Variants in NR5A2 observed in about 807,000 individuals in gnomAD.
The protein encoded by NR5A2 is nuclear receptor subfamily 5 group A member 2, also known as CYP7A promoter-binding factor.
A neutral mutation model predicts 62.7 loss-of-function variants in NR5A2; 26 were observed. The ratio of observed to expected loss-of-function variants is 0.41; its 90% CI spans 0.30 to 0.58. The LOEUF is 0.58. Among genes scored for constraint, NR5A2 ranks in the 20% least tolerant of loss-of-function variants. The probability of loss-of-function intolerance (pLI) is 0.22; values close to 1 mark genes in which losing one functional copy is unlikely to be tolerated. For synonymous variants in NR5A2, 246 were observed against 241.7 expected (o/e 1.02, Z -0.16); for missense variants, 541 against 669.1 (o/e 0.81, Z 2.11).
intron 7 of NR5A2, among the ~76,000 whole-genome samples, chr1:200,165,818 A>C (rs1042517077): frequency 3.9e-5 from 6 of 152,196 alleles, no homozygotes; most frequent in African/African-American, 1.2e-4. Flanking sequence ...ATCCCTATGC[A>C]TGTTTTTGTG....
chr1:200,109,815 A>G (rs1403562650), intron 5 of NR5A2, among the ~76,000 whole-genome samples: 1 of 152,206 alleles, frequency 6.6e-6, no homozygotes, highest in Non-Finnish European at 1.5e-5. Context: ...CCCAGGCTGG[A>G]GTGCAGTGGC....
chr1:200,110,283 G>A (rs1268563072), intron 5 of NR5A2, among the ~76,000 whole-genome samples: 4 of 152,106 alleles, frequency 2.6e-5, no homozygotes, highest in African/African-American at 9.7e-5. Flanking sequence ...GGTACACCAA[G>A]GTTTTTGTCC....
chr1:200,090,580 A>G (rs6686515), intron 5 of NR5A2, among the ~76,000 whole-genome samples: 19,318 of 152,234 alleles, frequency 0.13, 1,252 homozygotes, highest in African/African-American at 0.18. Context: ...TATCACTCCT[A>G]TGGGTGTCTA....
At chr1:200,064,498 C>G (rs763902419) in intron 5 of NR5A2, among the ~76,000 whole-genome samples, 1 of 152,120 alleles carries the variant, frequency 6.6e-6, no homozygotes, top group African/African-American at 2.4e-5. Flanking sequence ...TCAAGTAATT[C>G]CTATGGCTGG....
chr1:200,144,612 A>G (rs1052814912), intron 7 of NR5A2, among the ~76,000 whole-genome samples: 1 of 152,164 alleles, frequency 6.6e-6, no homozygotes, highest in African/African-American at 2.4e-5. Context: ...TACATTTGCC[A>G]TGATCAAAAT....
intron 5 of NR5A2, among the ~76,000 whole-genome samples, chr1:200,077,787 C>T (rs567807172): frequency 5.9e-5 from 9 of 152,274 alleles, no homozygotes; most frequent in East Asian, 3.9e-4. Flanking sequence ...CCGTCTTCCT[C>T]GGACTTCTTT....
intron 6 of NR5A2, 51 bp downstream of exon 6, chr1:200,111,372 T>C (rs1433991355): frequency 1.9e-6 from 3 of 1,566,428 alleles, no homozygotes; most frequent in Non-Finnish European, 2.6e-6. Context: ...ATTAAGCATG[T>C]TCAGAATGGC....
chr1:200,119,218 C>T (rs1342808100), intron 6 of NR5A2, among the ~76,000 whole-genome samples: 1 of 152,164 alleles, frequency 6.6e-6, no homozygotes, highest in African/African-American at 2.4e-5. Context: ...AAAAAAAATC[C>T]ATTCTGCCTT....
At chr1:200,109,910 G>A (rs1372054906) in intron 5 of NR5A2, among the ~76,000 whole-genome samples, 2 of 152,088 alleles carry the variant, frequency 1.3e-5, no homozygotes, top group Non-Finnish European at 2.9e-5. Flanking sequence ...GATTACAGGT[G>A]TGCACAACGA....
chr1:200,173,826 T>C, intron 7 of NR5A2, 137 bp from the exon 8 acceptor site: 1 of 880,834 alleles, frequency 1.1e-6, no homozygotes, highest in Non-Finnish European at 1.6e-6. Context: ...GAGTGGGGTT[T>C]ACTGAATATT....
At chr1:200,075,815 A>T (rs902983869) in intron 5 of NR5A2, among the ~76,000 whole-genome samples, 2 of 152,212 alleles carry the variant, frequency 1.3e-5, no homozygotes, top group African/African-American at 4.8e-5. Context: ...TTATATCGCC[A>T]GGCTTTCAGA....
intron 7 of NR5A2, among the ~76,000 whole-genome samples, chr1:200,173,048 C>A (rs138586461): frequency 1.7e-3 from 258 of 152,232 alleles, no homozygotes; most frequent in Admixed American, 2.8e-3. Flanking sequence ...TCCAGCATAC[C>A]GTTTTCCCTT....
At chr1:200,117,971 C>T (rs1171271730) in intron 6 of NR5A2, among the ~76,000 whole-genome samples, 1 of 150,988 alleles carries the variant, frequency 6.6e-6, no homozygotes, top group Non-Finnish European at 1.5e-5. Flanking sequence ...GTCTCGGCCT[C>T]CCAAAGTGCT....
At chr1:200,153,024 T>C (rs1255302907) in intron 7 of NR5A2, among the ~76,000 whole-genome samples, 1 of 152,240 alleles carries the variant, frequency 6.6e-6, no homozygotes, top group African/African-American at 2.4e-5. Flanking sequence ...TTTGCCAGTG[T>C]CCCTGACAAT....
At chr1:200,091,001 C>A (rs984961898) in intron 5 of NR5A2, among the ~76,000 whole-genome samples, 1 of 152,190 alleles carries the variant, frequency 6.6e-6, no homozygotes, top group Non-Finnish European at 1.5e-5. Context: ...GGTGCCATTG[C>A]ATTCATTCTT....
chr1:200,036,513 C>T (rs999617224), intron 1 of NR5A2, among the ~76,000 whole-genome samples: 2 of 152,200 alleles, frequency 1.3e-5, no homozygotes, highest in African/African-American at 4.8e-5. Flanking sequence ...GTGCCGCCGC[C>T]CCTGCCTCTG....
rs1053727808 is a variant in NR5A2 at position 200,083,550 on chromosome 1, C to T, written c.1111-27652C>T. On this transcript the variant is annotated intron_variant, in intron 5 of 7. Coordinates refer to ENST00000367362, the MANE Select transcript of NR5A2 (RefSeq NM_205860.3). ...ATTGTCATTAGATAATGAAAGGCTT[C>T]GCCATGTGTGTATCGTAAAGACCTA... 2.6e-5 allele frequency among the ~76,000 whole-genome samples: 4 copies of T among 152,170 alleles called. No individual in the cohort carries two copies. In the South Asian group the frequency reaches 6.2e-4, roughly 24 times the overall value.
At chr1:200,076,486 G>C (rs914258147) in intron 5 of NR5A2, among the ~76,000 whole-genome samples, 2 of 149,366 alleles carry the variant, frequency 1.3e-5, no homozygotes, top group Non-Finnish European at 3.0e-5. Flanking sequence ...CAGGCTAACC[G>C]TATCTTATTT....
chr1:200,057,667 T>C (rs1443437663), intron 5 of NR5A2: 2 of 325,686 alleles, frequency 6.1e-6, no homozygotes, highest in Admixed American at 3.5e-5. Context: ...TTAGTAGAGA[T>C]GGGATTTTGC....
Sources: allele counts gnomAD v4.1 joint callset (sites outside exome capture counted in the v4.1 genomes callset), GRCh38; gene constraint gnomAD v4.1.1; transcripts MANE v1.5; gene names NCBI Gene and HGNC (gene_info 2026-07-23, HGNC 2026-07-21).